Variants in SYT14 observed in about 807,000 individuals in gnomAD.
SYT14 encodes synaptotagmin-14.
SYT14 carries 32 observed loss-of-function variants against 74.2 expected under a neutral mutation model. That is an observed-to-expected ratio of 0.43 (90% CI 0.33 to 0.58). The LOEUF (loss-of-function observed/expected upper bound fraction) is 0.58. Ranked by LOEUF, SYT14 falls within the 20% of genes least tolerant of loss-of-function variation. The pLI is 0.05. For synonymous variants in SYT14, 298 were observed against 337.7 expected (o/e 0.88, Z 1.29); for missense variants, 791 against 981.8 (o/e 0.81, Z 2.60).
At chr1:210,125,207 C>G (rs1042650397) in intron 7 of SYT14, among the ~76,000 whole-genome samples, 1 of 148,554 alleles carries the variant, frequency 6.7e-6, no homozygotes, top group Non-Finnish European at 1.5e-5. Flanking sequence ...TCAATCCTTA[C>G]CCCCATCCCA....
chr1:209,952,915 A>G, intron 2 of SYT14, 159 bp downstream of exon 2: 1 of 1,052,704 alleles, frequency 9.5e-7, no homozygotes, highest in East Asian at 2.6e-5. Context: ...TAAAGTGCAT[A>G]TTACTTATTA....
intron 2 of SYT14, among the ~76,000 whole-genome samples, chr1:209,979,321 C>T (rs1180641782): frequency 6.6e-6 from 1 of 152,202 alleles, no homozygotes; most frequent in African/African-American, 2.4e-5. Context: ...TAGACTGGAG[C>T]TGTTCCTATT....
chr1:210,043,454 G>A (rs2080830701), intron 5 of SYT14, among the ~76,000 whole-genome samples: 1 of 151,792 alleles, frequency 6.6e-6, no homozygotes, highest in Non-Finnish European at 1.5e-5. Context: ...AGTAAAATAT[G>A]TGTGTAAAAA....
chr1:210,164,242 A>G (rs1288098222), exon 10 of SYT14: 8 of 270,256 alleles, frequency 3.0e-5, no homozygotes, highest in Admixed American at 1.4e-4. Context: ...TGAATTCTCA[A>G]TAATGTTGTA....
intron 2 of SYT14, chr1:209,965,768 T>C (rs1052549233): frequency 2.6e-5 from 10 of 379,998 alleles, no homozygotes; most frequent in African/African-American, 1.9e-4. Flanking sequence ...TATGGATATC[T>C]AATTGTTTCA....
chr1:209,966,766 T>G (rs939966768), intron 2 of SYT14, among the ~76,000 whole-genome samples: 4 of 152,200 alleles, frequency 2.6e-5, no homozygotes, highest in African/African-American at 9.7e-5. Context: ...ACCGTGTCTA[T>G]GAATAATGAC....
chr1:210,016,130 G>T lies in SYT14; in HGVS notation c.127G>T (p.Val43Phe), dbSNP rs945751818. 4.1e-6 allele frequency: 5 copies of T among 1,232,024 alleles called. No homozygotes were observed. In the African/African-American group the frequency reaches 7.8e-5, roughly 19 times the overall value. The allele number at this position is 1,232,024 out of a possible 1,614,324, so 76.3% of individuals were successfully genotyped here. ...GGTCAGCTATGCTTTAACTGACTCA[G>T]TTGCTGAGCAGGTAACAAGTATGAT... The change falls in exon 4 of 10, where the codon GTT (valine) becomes TTT (phenylalanine). Residue 43 changes from valine (V) to phenylalanine (F), a missense_variant. Physicochemically the swap from Val to Phe is conservative, Grantham distance 50 (BLOSUM62 -1). Coordinates refer to ENST00000637265, the Ensembl canonical transcript of SYT14.
At chr1:210,145,197 A>C (rs1163282828) in intron 7 of SYT14, among the ~76,000 whole-genome samples, 1 of 152,154 alleles carries the variant, frequency 6.6e-6, no homozygotes, top group African/African-American at 2.4e-5. Context: ...AAAAAATTGC[A>C]ATTTTTTGCT....
At chr1:210,064,656 A>G (rs1263459963) in intron 5 of SYT14, among the ~76,000 whole-genome samples, 1 of 152,030 alleles carries the variant, frequency 6.6e-6, no homozygotes, top group Non-Finnish European at 1.5e-5. Context: ...TTGCCTATCC[A>G]TTCATCCTCT....
At chr1:210,129,107 C>T (rs2082625594) in intron 7 of SYT14, among the ~76,000 whole-genome samples, 1 of 152,056 alleles carries the variant, frequency 6.6e-6, no homozygotes, top group African/African-American at 2.4e-5. Flanking sequence ...AATCCCCTAC[C>T]ATCATTTAAT....
chr1:210,031,742 TGTG>T (rs1242585661), intron 5 of SYT14, among the ~76,000 whole-genome samples: 2 of 152,134 alleles, frequency 1.3e-5, no homozygotes, highest in African/African-American at 4.8e-5. Context: ...TGTGGCCAGT[TGTG>T]GTGGAGATTG....
At chr1:210,048,704 C>G (rs2080932481) in intron 5 of SYT14, among the ~76,000 whole-genome samples, 1 of 152,170 alleles carries the variant, frequency 6.6e-6, no homozygotes, top group African/African-American at 2.4e-5. Flanking sequence ...ATTTGAAAAC[C>G]AATCATGCTT....
chr1:210,143,408 T>C (rs1313589723), intron 7 of SYT14, among the ~76,000 whole-genome samples: 1 of 152,198 alleles, frequency 6.6e-6, no homozygotes, highest in African/African-American at 2.4e-5. Flanking sequence ...ACAATAGCAA[T>C]TACAATAGTT....
intron 5 of SYT14, among the ~76,000 whole-genome samples, chr1:210,077,344 C>A (rs1341513468): frequency 6.6e-6 from 1 of 152,122 alleles, no homozygotes; most frequent in African/African-American, 2.4e-5. Context: ...ACCCCATCAC[C>A]CAAACGCTTG....
intron 5 of SYT14, among the ~76,000 whole-genome samples, chr1:210,090,544 G>A (rs2081846102): frequency 6.6e-6 from 1 of 152,102 alleles, no homozygotes; most frequent in Non-Finnish European, 1.5e-5. Flanking sequence ...TATGCAATAT[G>A]CAGATGGTAA....
chr1:209,996,264 G>T (rs2102860492), intron 2 of SYT14, among the ~76,000 whole-genome samples: 1 of 152,084 alleles, frequency 6.6e-6, no homozygotes, highest in Admixed American at 6.6e-5. Context: ...AAATGACAAA[G>T]ATGGCAGTAT....
intron 2 of SYT14, among the ~76,000 whole-genome samples, chr1:209,968,932 G>A (rs2079200340): frequency 6.6e-6 from 1 of 151,832 alleles, no homozygotes; most frequent in African/African-American, 2.4e-5. Context: ...AGTGTCTTTT[G>A]TTCTCATCTT....
intron 7 of SYT14, among the ~76,000 whole-genome samples, chr1:210,125,200 A>G (rs576126224): frequency 6.7e-4 from 102 of 152,086 alleles, no homozygotes; most frequent in Non-Finnish European, 1.3e-3. Flanking sequence ...TAGTTTCTCA[A>G]TCCTTACCCC....
intron 7 of SYT14, among the ~76,000 whole-genome samples, chr1:210,140,348 A>G (rs1168970400): frequency 2.0e-5 from 3 of 152,054 alleles, no homozygotes; most frequent in African/African-American, 7.2e-5. Context: ...ATTTCTATTA[A>G]AATCCTTTGC....
Sources: gnomAD v4.1 joint callset for allele counts (sites outside exome capture counted in the v4.1 genomes callset) on GRCh38, gnomAD v4.1.1 for gene constraint, MANE v1.5 for transcripts, NCBI Gene and HGNC (gene_info 2026-07-23, HGNC 2026-07-21) for gene names.